Variants in RASGEF1C observed in about 807,000 individuals in gnomAD.
The protein encoded by RASGEF1C is RasGEF domain family member 1C.
RASGEF1C carries 27 observed loss-of-function variants against 58.1 expected under a neutral mutation model. The ratio of observed to expected loss-of-function variants is 0.46; its 90% CI spans 0.34 to 0.64. RASGEF1C has a LOEUF of 0.64. Ranked by LOEUF, RASGEF1C falls within the 30% of genes least tolerant of loss-of-function variation. The probability of loss-of-function intolerance (pLI) is 0.01; values close to 1 mark genes in which losing one functional copy is unlikely to be tolerated. For synonymous variants in RASGEF1C, 243 were observed against 246.3 expected (o/e 0.99, Z 0.13); for missense variants, 502 against 605.1 (o/e 0.83, Z 1.79).
intron 4 of RASGEF1C, among the ~76,000 whole-genome samples, chr5:180,133,148 C>T (rs974308183): frequency 1.3e-5 from 2 of 152,056 alleles, no homozygotes; most frequent in African/African-American, 4.8e-5. Context: ...TCCAACCTAC[C>T]GGGAGCCCCA....
rs563190626 is a variant in RASGEF1C at position 180,166,882 on chromosome 5, C to T, written c.-6-28824G>A. 5.3e-5 allele frequency among the ~76,000 whole-genome samples: 8 copies of T among 152,286 alleles called. 1 individual carries two copies. In the South Asian group the frequency reaches 1.7e-3, roughly 32 times the overall value. ...GTTCTTTTCTTTTAGAACTCTTGTT[C>T]CACTTACTTCTGGCCTCTATGGCTT... On this transcript the variant is annotated intron_variant, in intron 1 of 13. Transcript: ENST00000361132.
In RASGEF1C at chr5:180,182,382, G is replaced by A. The variant is rs541581418; in HGVS notation, c.-7+26646C>T. On this transcript the variant is annotated intron_variant, in intron 1 of 13. Transcript: ENST00000361132. ...GTGAGTGTTACAGCTCTTAAAGGTGGCGCGGACCCAAACAGTGAGCAGCCG... is the reference window on the plus strand; with the variant it reads ...GTGAGTGTTACAGCTCTTAAAGGTGACGCGGACCCAAACAGTGAGCAGCCG... Among the ~76,000 whole-genome samples, 4 of 152,170 alleles carry A rather than the reference G, an allele frequency of 2.6e-5. No homozygotes were observed. The East Asian group carries it at 7.7e-4, about 29-fold the overall frequency.
chr5:180,181,377 G>A (rs898510611), intron 1 of RASGEF1C, among the ~76,000 whole-genome samples: 6 of 152,208 alleles, frequency 3.9e-5, no homozygotes, highest in African/African-American at 1.4e-4. Context: ...CTCCTAAACA[G>A]ATGACTGAAG....
rs61204210 is a variant in RASGEF1C, at chr5:180,149,088, C to CTT, written c.-6-11032_-6-11031dup. 4.1e-3 allele frequency among the ~76,000 whole-genome samples: 451 copies of CTT among 110,126 alleles called. 7 individuals are homozygous for CTT. Among genetic ancestry groups the CTT allele is most frequent in the African/African-American group, 0.014 (430 of 29,766 alleles). The allele number at this position is 110,126 out of a possible 152,430, so 72.2% of individuals were successfully genotyped here. A position where few individuals can be genotyped will look rare whatever the true frequency, so the allele number is the denominator to read the frequency against. On this transcript the variant is annotated intron_variant, in intron 1 of 13. Coordinates refer to ENST00000361132, the MANE Select transcript of RASGEF1C (RefSeq NM_175062.4). ...TCTACTTTTTCTTTTCTTTTTTTTT[C>CTT]TTTTTTTTTTTTTTTTTTGAGACAG...
intron 1 of RASGEF1C, among the ~76,000 whole-genome samples, chr5:180,167,585 T>G (rs1398557876): frequency 1.3e-5 from 2 of 152,248 alleles, no homozygotes; most frequent in African/African-American, 2.4e-5. Flanking sequence ...TTTATACCTC[T>G]ATTTCTTATC....
chr5:180,126,076 T>G (rs566245322), intron 6 of RASGEF1C, among the ~76,000 whole-genome samples: 2 of 149,430 alleles, frequency 1.3e-5, no homozygotes, highest in South Asian at 4.4e-4. Flanking sequence ...AATAAAAAAG[T>G]AATATTTGGA....
chr5:180,125,283 C>T lies in RASGEF1C; in HGVS notation c.714+2326G>A, dbSNP rs572498702. ...GAAAAAATAAATGAAATTTAACAAC[C>T]ATTCATGATGAGAATTCTGAGAAAA... On this transcript the variant is annotated intron_variant, in intron 6 of 13. Coordinates refer to ENST00000361132, the MANE Select transcript of RASGEF1C (RefSeq NM_175062.4). Among the ~76,000 whole-genome samples the T allele has an allele frequency of 2.0e-5, 3 of 152,198 alleles. No homozygotes were observed. In the East Asian group the frequency reaches 5.8e-4, roughly 29 times the overall value.
chr5:180,180,599 CT>C lies in RASGEF1C; in HGVS notation c.-7+28428del, dbSNP rs747445552. Among the ~76,000 whole-genome samples the C allele has an allele frequency of 2.6e-5, 4 of 152,384 alleles. No individual in the cohort carries two copies. The East Asian group carries it at 7.7e-4, about 29-fold the overall frequency. ...CCAGGAGCAAAGCCGCTGCCCCAGA[CT>C]GGCCATCGGTGGGAGCACCCCAGGA... is the stretch of plus-strand genomic sequence containing the variant. On this transcript the variant is annotated intron_variant, in intron 1 of 13. Transcript: ENST00000361132.
At chr5:180,135,051 C>G (rs897724106) in intron 4 of RASGEF1C, among the ~76,000 whole-genome samples, 3 of 138,476 alleles carry the variant, frequency 2.2e-5, no homozygotes, top group Admixed American at 2.1e-4. Context: ...CCCCACCCCC[C>G]CCGTCCAATC....
At chr5:180,204,152 G>T (rs945745472) in intron 1 of RASGEF1C, among the ~76,000 whole-genome samples, 1 of 152,074 alleles carries the variant, frequency 6.6e-6, no homozygotes, top group South Asian at 2.1e-4. Context: ...TCCATCGTAC[G>T]GATATATATC....
rs944597878 is a variant in RASGEF1C, at chr5:180,143,290, C to T, written c.-6-5232G>A. 2.0e-5 allele frequency among the ~76,000 whole-genome samples: 3 copies of T among 152,318 alleles called. No individual in the cohort carries two copies. The highest frequency in any genetic ancestry group is 1.9e-4 in the East Asian group (1 of 5,176). On this transcript the variant is annotated intron_variant, in intron 1 of 13. Transcript: ENST00000361132. The surrounding 1 kb of genome is among the most constrained non-coding windows in gnomAD (Gnocchi z 4.3). ...GGCCCACCCTGCTCCAGGCCGCTGG[C>T]GCTGGCAAAGTTTCTGGGACAGCAT...
intron 4 of RASGEF1C, chr5:180,135,295 C>T (rs1468038853): frequency 2.0e-5 from 3 of 152,236 alleles, no homozygotes; most frequent in African/African-American, 7.2e-5. Flanking sequence ...GCAGTGCCTC[C>T]CTCAGAGCCT....
At chr5:180,201,421 A>G (rs4235509) in intron 1 of RASGEF1C, among the ~76,000 whole-genome samples, 146,523 of 152,274 alleles carry the variant, frequency 0.96, 70,725 homozygotes, top group East Asian at 1. Context: ...TGCACTTCAT[A>G]ACAACAACAG....
rs566789941 is a variant in RASGEF1C at position 180,157,226 on chromosome 5, C to T, written c.-6-19168G>A. Among the ~76,000 whole-genome samples the T allele has an allele frequency of 4.7e-4, 71 of 152,298 alleles. 2 individuals carry two copies. The South Asian group carries it at 0.011, about 24-fold the overall frequency. On this transcript the variant is annotated intron_variant, in intron 1 of 13. Transcript: ENST00000361132. ...AAAACCTACACACAGGTGTTTCTAG[C>T]AGTATTATCATAATTGCCCAAACTT...
chr5:180,148,033 G>C lies in RASGEF1C; in HGVS notation c.-6-9975C>G, dbSNP rs1285304622. 2.0e-5 allele frequency among the ~76,000 whole-genome samples: 3 copies of C among 151,924 alleles called. No individual in the cohort carries two copies. The South Asian group carries it at 6.2e-4, about 32-fold the overall frequency. The stretch of plus-strand genomic sequence containing the variant: ...TCATATATTTTAATGACCTGTTTTG[G>C]GGTCATAAATGTTTATAATTGTTAA... On this transcript the variant is annotated intron_variant, in intron 1 of 13. Transcript: ENST00000361132.
chr5:180,109,317 G>A (rs1582259394), intron 12 of RASGEF1C, among the ~76,000 whole-genome samples: 1 of 152,164 alleles, frequency 6.6e-6, no homozygotes, highest in African/African-American at 2.4e-5. Context: ...AATTAGCCGG[G>A]CGTGGTGGTG....
At chr5:180,199,547 G>A (rs796416434) in intron 1 of RASGEF1C, among the ~76,000 whole-genome samples, 69 of 152,308 alleles carry the variant, frequency 4.5e-4, no homozygotes, top group African/African-American at 1.6e-3. Flanking sequence ...TCCACTGCAC[G>A]TAAAGCAGAA....
At chr5:180,181,719 A>T (rs1458305143) in intron 1 of RASGEF1C, among the ~76,000 whole-genome samples, 1 of 152,182 alleles carries the variant, frequency 6.6e-6, no homozygotes, top group Non-Finnish European at 1.5e-5. Flanking sequence ...CAAATGAGAG[A>T]ACACATTTCC....
chr5:180,160,599 T>C (rs191912168), intron 1 of RASGEF1C, among the ~76,000 whole-genome samples: 12 of 152,252 alleles, frequency 7.9e-5, no homozygotes, highest in East Asian at 5.8e-4. Context: ...GGAAGGAAAA[T>C]TGGCTCCGAA....
Sources: gnomAD v4.1 joint callset for allele counts (sites outside exome capture counted in the v4.1 genomes callset) on GRCh38, gnomAD v4.1.1 for gene constraint, Gnocchi (gnomAD v3.1) non-coding constraint, MANE v1.5 for transcripts, NCBI Gene and HGNC (gene_info 2026-07-23, HGNC 2026-07-21) for gene names.